Variants in GALNT17 observed in about 807,000 individuals in gnomAD.
GALNT17 encodes the protein UDP-GalNAc:polypeptide N-acetylgalactosaminyltransferase-like 3.
Under a neutral mutation model 63.7 loss-of-function variants are expected in GALNT17, and 29 were observed. The ratio of observed to expected loss-of-function variants is 0.46; its 90% CI spans 0.34 to 0.62. The LOEUF (loss-of-function observed/expected upper bound fraction) is 0.62. Among genes scored for constraint, GALNT17 ranks in the 20% least tolerant of loss-of-function variants. The probability of loss-of-function intolerance (pLI) is 0.01; values close to 1 mark genes in which losing one functional copy is unlikely to be tolerated. For missense variants in GALNT17, 603 were observed against 799.6 expected (o/e 0.75, Z 2.97); for synonymous variants, 305 against 318.3 (o/e 0.96, Z 0.45).
At chr7:71,194,149 G>A (rs1789003576) in intron 1 of GALNT17, among the ~76,000 whole-genome samples, 1 of 151,948 alleles carries the variant, frequency 6.6e-6, no homozygotes. Context: ...GGGCTCAAAC[G>A]ATCCTCCCAC....
intron 5 of GALNT17, among the ~76,000 whole-genome samples, chr7:71,568,086 G>A (rs996371850): frequency 5.9e-5 from 9 of 152,328 alleles, no homozygotes; most frequent in African/African-American, 9.6e-5. Context: ...GACCTCCTGC[G>A]TGAGGTGTCT....
At chr7:71,265,098 T>TTA (rs1554345967) in intron 1 of GALNT17, among the ~76,000 whole-genome samples, 2,343 of 78,284 alleles carry the variant, frequency 0.03, 165 homozygotes, top group African/African-American at 0.073. Flanking sequence ...CCCATAAATA[T>TTA]TATATATATA....
At chr7:71,137,456 C>A (rs1439177486) in intron 1 of GALNT17, among the ~76,000 whole-genome samples, 1 of 152,114 alleles carries the variant, frequency 6.6e-6, no homozygotes, top group Non-Finnish European at 1.5e-5. Flanking sequence ...ACTTTTAATA[C>A]CACCCCCATC....
intron 6 of GALNT17, among the ~76,000 whole-genome samples, chr7:71,658,717 ATC>A (rs930524853): frequency 1.3e-5 from 2 of 151,978 alleles, no homozygotes; most frequent in African/African-American, 4.8e-5. Context: ...GCAAAACCCC[ATC>A]TCTACTAAAA....
chr7:71,133,091 C>A (rs765820195), intron 1 of GALNT17, 51 bp downstream of exon 1: 3 of 1,434,332 alleles, frequency 2.1e-6, no homozygotes, highest in Non-Finnish European at 2.8e-6. Context: ...GGGCCGGGCA[C>A]AGGGTGAGCC....
chr7:71,333,243 A>G (rs1791838132), intron 1 of GALNT17, among the ~76,000 whole-genome samples: 1 of 151,954 alleles, frequency 6.6e-6, no homozygotes, highest in Non-Finnish European at 1.5e-5. Flanking sequence ...TCACATAAAT[A>G]GAATCACTAT....
chr7:71,635,532 G>A (rs1221919202), intron 6 of GALNT17, among the ~76,000 whole-genome samples: 1 of 152,100 alleles, frequency 6.6e-6, no homozygotes, highest in Non-Finnish European at 1.5e-5. Flanking sequence ...TGTATTTATG[G>A]GGTACATGGG....
At chr7:71,595,341 G>A (rs1264763469) in intron 6 of GALNT17, among the ~76,000 whole-genome samples, 1 of 151,726 alleles carries the variant, frequency 6.6e-6, no homozygotes, top group African/African-American at 2.4e-5. Flanking sequence ...GAGGTGGAAG[G>A]ATCACTTGAA....
intron 5 of GALNT17, among the ~76,000 whole-genome samples, chr7:71,498,539 C>CGTCA (rs1190544554): frequency 1.3e-5 from 2 of 152,158 alleles, no homozygotes; most frequent in Admixed American, 6.5e-5. Flanking sequence ...GAATGTTTAG[C>CGTCA]GTCATAGTTG....
chr7:71,424,321 TG>T (rs540161718), intron 5 of GALNT17, among the ~76,000 whole-genome samples: 58 of 152,292 alleles, frequency 3.8e-4, no homozygotes, highest in African/African-American at 1.3e-3. Flanking sequence ...GTCTTCACAC[TG>T]ATACACGGGA....
chr7:71,256,643 G>T (rs1180438172), intron 1 of GALNT17, among the ~76,000 whole-genome samples: 2 of 152,202 alleles, frequency 1.3e-5, no homozygotes, highest in Non-Finnish European at 2.9e-5. Context: ...TTGCGCACGT[G>T]TTCTCAGGAC....
intron 5 of GALNT17, among the ~76,000 whole-genome samples, chr7:71,539,707 C>CT (rs71089953): frequency 0.12 from 8,280 of 71,072 alleles, 1,104 homozygotes; most frequent in African/African-American, 0.17. Context: ...TTAGTCCCAC[C>CT]TTTTTTTTTT....
chr7:71,588,991 C>G (rs1041560015), intron 6 of GALNT17, among the ~76,000 whole-genome samples: 8 of 151,996 alleles, frequency 5.3e-5, no homozygotes, highest in Admixed American at 1.3e-4. Context: ...AGGGTCAATA[C>G]GGGGCCCTTA....
In GALNT17 at chr7:71,265,118, A is replaced by ATTTTTTTTTTTTTTT. The variant is rs60738546; in HGVS notation, c.239-70420_239-70406dup. ...AAATATTATATATATATATATATAT[A>ATTTTTTTTTTTTTTT]TTTTTTTTTTTTTTTTTTTTTTTTT... On this transcript the variant is annotated intron_variant, in intron 1 of 10. Coordinates refer to ENST00000333538, the MANE Select transcript of GALNT17 (RefSeq NM_022479.3). Among the ~76,000 whole-genome samples the ATTTTTTTTTTTTTTT allele has an allele frequency of 5.3e-5, 2 of 37,450 alleles. 1 individual carries two copies. The highest frequency in any genetic ancestry group is 1.4e-4 in the Non-Finnish European group (2 of 14,688). The allele number at this position is 37,450 out of a possible 152,430, so 24.6% of individuals were successfully genotyped here. A position where few individuals can be genotyped will look rare whatever the true frequency, so the allele number is the denominator to read the frequency against.
chr7:71,160,465 A>T (rs753840696), intron 1 of GALNT17, among the ~76,000 whole-genome samples: 24 of 149,540 alleles, frequency 1.6e-4, no homozygotes, highest in Non-Finnish European at 3.0e-4. Context: ...TGTGATGAAC[A>T]TTTTTTTTTT....
chr7:71,338,372 T>TAA (rs386410410), intron 2 of GALNT17, among the ~76,000 whole-genome samples: 2 of 150,524 alleles, frequency 1.3e-5, no homozygotes, highest in African/African-American at 2.4e-5. Flanking sequence ...TATATATATA[T>TAA]AAATTAGCCA....
chr7:71,647,648 A>G (rs1471227436), intron 6 of GALNT17, among the ~76,000 whole-genome samples: 3 of 152,166 alleles, frequency 2.0e-5, no homozygotes, highest in Non-Finnish European at 4.4e-5. Flanking sequence ...GCTGGAGTCC[A>G]TGCTCTGTCC....
chr7:71,206,149 A>AAT (rs921270986), intron 1 of GALNT17, among the ~76,000 whole-genome samples: 3 of 147,292 alleles, frequency 2.0e-5, no homozygotes, highest in Admixed American at 1.4e-4. Context: ...TATATATATG[A>AAT]ATATATATAT....
intron 5 of GALNT17, among the ~76,000 whole-genome samples, chr7:71,475,770 C>CA (rs2116627256): frequency 6.6e-6 from 1 of 152,244 alleles, no homozygotes; most frequent in East Asian, 1.9e-4. Flanking sequence ...GAAAGTTAAT[C>CA]AAAGATGCAT....
Sources: allele counts gnomAD v4.1 joint callset (sites outside exome capture counted in the v4.1 genomes callset), GRCh38; gene constraint gnomAD v4.1.1; transcripts MANE v1.5; gene names NCBI Gene and HGNC (gene_info 2026-07-23, HGNC 2026-07-21).